Variants in NTRK3 observed in about 807,000 individuals in gnomAD.
NTRK3 encodes the protein neurotrophic receptor tyrosine kinase 3, also known as NT-3 growth factor receptor.
A neutral mutation model predicts 91.7 loss-of-function variants in NTRK3; 24 were observed. The observed-to-expected ratio is 0.26, with a 90% CI of 0.19 to 0.37. The LOEUF (loss-of-function observed/expected upper bound fraction) is 0.37. NTRK3 is among the 10% of genes least tolerant of loss of function. The pLI is 1.00. For synonymous variants in NTRK3, 483 were observed against 404.0 expected (o/e 1.20, Z -2.34); for missense variants, 880 against 1,068.9 (o/e 0.82, Z 2.46).
At chr15:87,923,581 T>C (rs890903124) in intron 17 of NTRK3, among the ~76,000 whole-genome samples, 11 of 152,226 alleles carry the variant, frequency 7.2e-5, no homozygotes, top group African/African-American at 1.7e-4. Context: ...GAGTATCTAT[T>C]TGATACAGCA....
chr15:87,925,500 G>C lies in NTRK3; in HGVS notation c.2133+3691C>G, dbSNP rs1393116444. On this transcript the variant is annotated intron_variant, in intron 17 of 18. Coordinates refer to ENST00000394480, the Ensembl canonical transcript of NTRK3. ...GGATTATCTGCACTTAGTGGTGTTA[G>C]GCATAAGAAGCCAACAAACTCTTAG... The C allele has an allele frequency of 3.5e-5, 7 of 202,454 alleles. No individual in the cohort carries two copies. The East Asian group carries it at 5.1e-4, about 15-fold the overall frequency. 12.5% of individuals were successfully genotyped at this position (202,454 alleles called of 1,614,324 possible). A position where few individuals can be genotyped will look rare whatever the true frequency, so the allele number is the denominator to read the frequency against.
In NTRK3 at chr15:88,076,946, T is replaced by G. The variant is rs569729166; in HGVS notation, c.1397-43901A>C. Among the ~76,000 whole-genome samples the G allele has an allele frequency of 3.3e-5, 5 of 151,956 alleles. No homozygotes were observed. In the East Asian group the frequency reaches 5.8e-4, roughly 18 times the overall value. ...CCACCTCTACCAAAAATACAAAAAA[T>G]TAGCCGGGTGCAGTGCCATGTGCCT... On this transcript the variant is annotated intron_variant, in intron 13 of 18. Transcript: ENST00000394480.
intron 13 of NTRK3, among the ~76,000 whole-genome samples, chr15:88,063,756 T>C (rs933288306): frequency 6.6e-6 from 1 of 152,014 alleles, no homozygotes; most frequent in African/African-American, 2.4e-5. Flanking sequence ...TGGATACGTG[T>C]TGAATAGGTG....
At chr15:87,859,903 GTATTT>G (rs2141365043) in exon 19 of NTRK3, 1 of 184,408 alleles carries the variant, frequency 5.4e-6, no homozygotes, top group East Asian at 8.8e-5. Context: ...TGACCAAGGA[GTATTT>G]ACAACTCTCA....
At chr15:87,908,520 C>T (rs1002978298) in intron 17 of NTRK3, 11 of 399,516 alleles carry the variant, frequency 2.8e-5, no homozygotes, top group African/African-American at 1.9e-4. Flanking sequence ...TAGCCTCTGC[C>T]GCTGCCACAC....
chr15:88,162,509 T>C (rs1306447549), intron 5 of NTRK3, among the ~76,000 whole-genome samples: 1 of 152,100 alleles, frequency 6.6e-6, no homozygotes, highest in African/African-American at 2.4e-5. Context: ...TTCCAAATCC[T>C]TGAAAGAAAA....
Position 88,112,369 on chromosome 15 carries a change from C to T in NTRK3, c.1396+13902G>A, listed in dbSNP as rs187104397. Among the ~76,000 whole-genome samples, 305 of 152,294 alleles carry T rather than the reference C, an allele frequency of 2.0e-3. 5 individuals are homozygous for T. The highest frequency in any genetic ancestry group is 0.015 in the East Asian group (79 of 5,170). The stretch of plus-strand genomic sequence containing the variant: ...TACCTCACAGGGGACTAGCATCACC[C>T]ATGTTGCTACCTGGCAAAGCCATCA... On this transcript the variant is annotated intron_variant, in intron 13 of 18. Coordinates refer to ENST00000394480, the Ensembl canonical transcript of NTRK3.
At chr15:88,135,383 C>T (rs374464253) in exon 10 of NTRK3, 2 of 1,613,892 alleles carry the variant, frequency 1.2e-6, no homozygotes, top group South Asian at 2.2e-5. Context: ...TCCAGGCTCA[C>T]CACACGTGGG....
At chr15:88,002,837 GA>G (rs564495536) in intron 14 of NTRK3, among the ~76,000 whole-genome samples, 2 of 151,014 alleles carry the variant, frequency 1.3e-5, no homozygotes, top group Admixed American at 1.3e-4. Flanking sequence ...CCTATTGAAG[GA>G]AAAAAAACAA....
At chr15:87,906,420 G>A (rs559615219) in intron 17 of NTRK3, among the ~76,000 whole-genome samples, 7 of 152,074 alleles carry the variant, frequency 4.6e-5, no homozygotes, top group African/African-American at 1.7e-4. Context: ...CTACAAAGAT[G>A]CTCCCCAAAT....
chr15:88,087,859 G>C (rs2048651290), intron 13 of NTRK3, among the ~76,000 whole-genome samples: 1 of 152,168 alleles, frequency 6.6e-6, no homozygotes, highest in South Asian at 2.1e-4. Flanking sequence ...GACCAGCCTG[G>C]CCAACATGGT....
chr15:88,016,772 G>A (rs967103531), intron 14 of NTRK3, among the ~76,000 whole-genome samples: 6 of 152,052 alleles, frequency 3.9e-5, no homozygotes, highest in Admixed American at 1.3e-4. Flanking sequence ...AATGTAGAAC[G>A]TCAGTAATTT....
At chr15:88,058,348 T>C (rs1361350066) in intron 13 of NTRK3, among the ~76,000 whole-genome samples, 1 of 152,212 alleles carries the variant, frequency 6.6e-6, no homozygotes, top group Non-Finnish European at 1.5e-5. Flanking sequence ...GGTAATGATA[T>C]GATAGCCAAC....
At chr15:87,973,634 A>G (rs2073448585) in intron 14 of NTRK3, among the ~76,000 whole-genome samples, 1 of 152,152 alleles carries the variant, frequency 6.6e-6, no homozygotes, top group Non-Finnish European at 1.5e-5. Flanking sequence ...AGCCAGCATT[A>G]AAGATTGGCA....
At chr15:87,865,987 C>A (rs1463137753) in exon 19 of NTRK3, 1 of 231,502 alleles carries the variant, frequency 4.3e-6, no homozygotes, top group African/African-American at 2.2e-5. Context: ...CAGCTCAGCA[C>A]CCAGCAAGAC....
At chr15:88,103,144 G>T (rs1460373287) in intron 13 of NTRK3, among the ~76,000 whole-genome samples, 1 of 152,174 alleles carries the variant, frequency 6.6e-6, no homozygotes. Context: ...TAGATGGTAG[G>T]ACTTATTTCC....
chr15:88,133,983 CT>C (rs2151180230), intron 10 of NTRK3, among the ~76,000 whole-genome samples: 1 of 152,372 alleles, frequency 6.6e-6, no homozygotes, highest in Non-Finnish European at 1.5e-5. Context: ...CTTCCTGGAG[CT>C]GCCACACCCT....
chr15:88,043,161 CA>C (rs2079822911), intron 13 of NTRK3, among the ~76,000 whole-genome samples: 1 of 152,162 alleles, frequency 6.6e-6, no homozygotes, highest in African/African-American at 2.4e-5. Context: ...CTGAGAATGT[CA>C]AAACAAGCAT....
At chr15:87,898,276 A>T (rs1362713870) in intron 17 of NTRK3, among the ~76,000 whole-genome samples, 3 of 152,220 alleles carry the variant, frequency 2.0e-5, no homozygotes, top group Non-Finnish European at 4.4e-5. Context: ...GTAAAGCCAG[A>T]GATAGAAGTT....
Sources: gnomAD v4.1 joint callset for allele counts (sites outside exome capture counted in the v4.1 genomes callset) on GRCh38, gnomAD v4.1.1 for gene constraint, MANE v1.5 for transcripts, NCBI Gene and HGNC (gene_info 2026-07-23, HGNC 2026-07-21) for gene names.